The following PAK1 variants were observed in gnomAD, a reference collection of about 807,000 sequenced individuals.
PAK1 encodes serine/threonine-protein kinase PAK 1.
PAK1 carries 29 observed loss-of-function variants against 67.4 expected under a neutral mutation model. The observed-to-expected ratio is 0.43, with a 90% CI of 0.32 to 0.59. The LOEUF (loss-of-function observed/expected upper bound fraction) is 0.59. PAK1 is among the 20% of genes least tolerant of loss of function. The probability of loss-of-function intolerance (pLI) is 0.07; values close to 1 mark genes in which losing one functional copy is unlikely to be tolerated. For synonymous variants in PAK1, 223 were observed against 237.4 expected, an observed-to-expected ratio of 0.94 and a Z score of 0.56; for missense variants, 337 against 670.7, an observed-to-expected ratio of 0.50 and a Z score of 5.50.
chr11:77,336,720 C>T (rs564948912), intron 12 of PAK1, among the ~76,000 whole-genome samples: 10 of 152,206 alleles, frequency 6.6e-5, no homozygotes, highest in Middle Eastern at 6.8e-3. Flanking sequence ...GTTTTTATGC[C>T]CCAGACCCAG....
At chr11:77,360,336 A>G (rs902869481) in intron 5 of PAK1, among the ~76,000 whole-genome samples, 1 of 152,200 alleles carries the variant, frequency 6.6e-6, no homozygotes, top group Admixed American at 6.5e-5. Flanking sequence ...CTTGGTTTGA[A>G]GTTTAATCAC....
chr11:77,393,285 A>AAGAG lies in PAK1; in HGVS notation c.-21-748_-21-745dup, dbSNP rs35216521. 6.1e-3 allele frequency among the ~76,000 whole-genome samples: 861 copies of AAGAG among 141,810 alleles called. 13 individuals are homozygous for AAGAG. Among genetic ancestry groups the AAGAG allele is most frequent in the African/African-American group, 0.02 (751 of 37,990 alleles). The allele number at this position is 141,810 out of a possible 152,430, so 93.0% of individuals were successfully genotyped here. On this transcript the variant is annotated intron_variant, in intron 1 of 14. Coordinates refer to ENST00000356341, the MANE Select transcript of PAK1 (RefSeq NM_002576.5). The stretch of plus-strand genomic sequence containing the variant: ...TTCTACCTTGTTCTTTAAAAAAAAA[A>AAGAG]AGAGAGAGAGAGAGAGAGAGAGAGA...
intron 5 of PAK1, among the ~76,000 whole-genome samples, chr11:77,371,079 G>T (rs531746020): frequency 6.6e-6 from 1 of 152,324 alleles, no homozygotes; most frequent in African/African-American, 2.4e-5. Context: ...CAAGAGCAGA[G>T]ATCTTACTAG....
intron 5 of PAK1, among the ~76,000 whole-genome samples, chr11:77,361,024 T>A (rs1242420067): frequency 6.6e-6 from 1 of 152,176 alleles, no homozygotes; most frequent in African/African-American, 2.4e-5. Context: ...TAGCCATCCA[T>A]CCATCCATCC....
At chr11:77,370,611 C>T (rs1186749341) in intron 5 of PAK1, among the ~76,000 whole-genome samples, 1 of 152,220 alleles carries the variant, frequency 6.6e-6, no homozygotes, top group Non-Finnish European at 1.5e-5. Flanking sequence ...GCTGTGGCTT[C>T]TTCTGCTCTG....
At chr11:77,447,404 G>A (rs999639211) in intron 1 of PAK1, among the ~76,000 whole-genome samples, 1 of 152,158 alleles carries the variant, frequency 6.6e-6, no homozygotes, top group Non-Finnish European at 1.5e-5. Context: ...CACTAACACT[G>A]TTTCAAGTCA....
intron 1 of PAK1, among the ~76,000 whole-genome samples, chr11:77,435,445 ACATGGAAGTG>A (rs1305990325): frequency 6.6e-6 from 1 of 151,874 alleles, no homozygotes; most frequent in Non-Finnish European, 1.5e-5. Flanking sequence ...AAGAAAACAG[ACATGGAAGTG>A]CCTTGCATAT....
At chr11:77,485,501 G>A in the PAK1 span, among the ~76,000 whole-genome samples, 1 of 151,698 alleles carries the variant, frequency 6.6e-6, no homozygotes, top group Non-Finnish European at 1.5e-5. Context: ...TTGAGACAAA[G>A]TTTCACACTT....
At chr11:77,383,101 G>C (rs2137176800) in intron 2 of PAK1, among the ~76,000 whole-genome samples, 1 of 152,318 alleles carries the variant, frequency 6.6e-6, no homozygotes, top group East Asian at 1.9e-4. Context: ...CTGATTCACA[G>C]AGCACAGGAC....
chr11:77,367,792 C>T lies in PAK1; in HGVS notation c.477+6536G>A, dbSNP rs139622966. Among the ~76,000 whole-genome samples the T allele has an allele frequency of 3.2e-3, 489 of 152,314 alleles. 2 individuals carry two copies. Among genetic ancestry groups the T allele is most frequent in the Non-Finnish European group, 5.4e-3 (368 of 68,034 alleles). ...AGGAGATCGAAATCATCCTGGCCAA[C>T]ATGGTGAAACCCCGTCTCTACTAAT... is the stretch of plus-strand genomic sequence containing the variant. On this transcript the variant is annotated intron_variant, in intron 5 of 14. Transcript: ENST00000356341.
intron 4 of PAK1, among the ~76,000 whole-genome samples, chr11:77,376,238 T>C (rs1252225662): frequency 1.3e-5 from 2 of 152,144 alleles, no homozygotes; most frequent in East Asian, 1.9e-4. Flanking sequence ...TGAACTTCTA[T>C]ATATCAAAAT....
intron 1 of PAK1, among the ~76,000 whole-genome samples, chr11:77,468,165 A>C (rs1043070190): frequency 6.6e-6 from 1 of 152,236 alleles, no homozygotes; most frequent in African/African-American, 2.4e-5. Flanking sequence ...TAGAAAAGTA[A>C]TAAAAGAAAG....
the PAK1 span, among the ~76,000 whole-genome samples, chr11:77,482,820 G>A: frequency 2.4e-4 from 37 of 151,878 alleles, no homozygotes; most frequent in Non-Finnish European, 4.0e-4. Flanking sequence ...TGCCCAGCTG[G>A]TCTTGAACTC....
At chr11:77,393,286 AGAGAG>A (rs369102762) in intron 1 of PAK1, among the ~76,000 whole-genome samples, 4,253 of 43,098 alleles carry the variant, frequency 0.099, 97 homozygotes, top group Non-Finnish European at 0.16. Flanking sequence ...AAAAAAAAAA[AGAGAG>A]AGAGAGAGAG....
intron 1 of PAK1, among the ~76,000 whole-genome samples, chr11:77,457,621 T>C (rs1228375970): frequency 2.0e-5 from 3 of 152,230 alleles, no homozygotes; most frequent in Non-Finnish European, 4.4e-5. Context: ...TGAAGCTGTC[T>C]AGGTCAGGCA....
chr11:77,360,447 G>C (rs948451392), intron 5 of PAK1, among the ~76,000 whole-genome samples: 1 of 152,126 alleles, frequency 6.6e-6, no homozygotes, highest in Admixed American at 6.6e-5. Context: ...GTCAAAATAT[G>C]TATTTCGATA....
chr11:77,393,954 G>C (rs528945426), intron 1 of PAK1, among the ~76,000 whole-genome samples: 175 of 152,202 alleles, frequency 1.1e-3, no homozygotes, highest in Non-Finnish European at 9.7e-4. Flanking sequence ...AGTGAACCAA[G>C]ATCGCACCAC....
chr11:77,493,572 C>T, the PAK1 span, among the ~76,000 whole-genome samples: 5 of 147,422 alleles, frequency 3.4e-5, no homozygotes, highest in Non-Finnish European at 4.5e-5. Flanking sequence ...GGATTACAGA[C>T]GTCAGCCACC....
the PAK1 span, among the ~76,000 whole-genome samples, chr11:77,497,061 A>G: frequency 6.6e-6 from 1 of 152,218 alleles, no homozygotes. Flanking sequence ...TCACTCCTGA[A>G]TCTGCAAGGT....
Sources: gnomAD v4.1 joint callset for allele counts (sites outside exome capture counted in the v4.1 genomes callset) on GRCh38, gnomAD v4.1.1 for gene constraint, MANE v1.5 for transcripts, NCBI Gene and HGNC (gene_info 2026-07-23, HGNC 2026-07-21) for gene names.